The following VWF variants were observed in gnomAD, a reference collection of about 807,000 sequenced individuals.
VWF encodes the protein Factor VIII related antigen.
VWF carries 176 observed loss-of-function variants against 308.6 expected under a neutral mutation model. The ratio of observed to expected loss-of-function variants is 0.57; its 90% CI spans 0.50 to 0.65. VWF has a LOEUF of 0.65. Ranked by LOEUF, VWF falls within the 30% of genes least tolerant of loss-of-function variation. The pLI is 0.00. For missense variants in VWF, 3,146 were observed against 3,648.2 expected, an observed-to-expected ratio of 0.86 and a Z score of 3.55; for synonymous variants, 1,385 against 1,443.4, an observed-to-expected ratio of 0.96 and a Z score of 0.92.
chr12:6,062,385 G>T (rs1020960279), intron 13 of VWF, among the ~76,000 whole-genome samples: 6 of 152,106 alleles, frequency 3.9e-5, no homozygotes, highest in Non-Finnish European at 7.4e-5. Flanking sequence ...TTATAAAATG[G>T]CAGTAATATT....
intron 21 of VWF, among the ~76,000 whole-genome samples, chr12:6,030,620 G>A (rs893747673): frequency 3.9e-5 from 6 of 152,296 alleles, no homozygotes; most frequent in Admixed American, 3.9e-4. Context: ...TCAGCATGGA[G>A]TTCTAGGAGC....
At chr12:6,079,341 T>C (rs2136479048) in intron 6 of VWF, among the ~76,000 whole-genome samples, 1 of 152,254 alleles carries the variant, frequency 6.6e-6, no homozygotes, top group African/African-American at 2.4e-5. Flanking sequence ...GCGCGGTGGC[T>C]CACACCTGTA....
chr12:6,019,744 CT>C lies in VWF; in HGVS notation c.3675-2del. ...GGTGAGGTTGACAACATCACAGTGG[CT>C]GCAGAAAAGAGCGAAGAAATTAAAA... On this transcript the variant is annotated splice_acceptor_variant, in intron 27 of 51. Coordinates refer to ENST00000261405, the MANE Select transcript of VWF (RefSeq NM_000552.5). LOFTEE classifies it high-confidence loss of function. The surrounding 1 kb of genome is among the most constrained non-coding windows in gnomAD (Gnocchi z 5.8). The C allele has an allele frequency of 6.2e-7, 1 of 1,611,436 alleles. No individual in the cohort carries two copies. The highest frequency in any genetic ancestry group is 8.5e-7 in the Non-Finnish European group (1 of 1,178,858).
At chr12:6,061,076 C>G (rs1034509330) in intron 13 of VWF, among the ~76,000 whole-genome samples, 2 of 152,136 alleles carry the variant, frequency 1.3e-5, no homozygotes, top group African/African-American at 4.8e-5. Flanking sequence ...TGGTGGGCAC[C>G]TGTAATCTCA....
chr12:5,994,461 C>A lies in VWF; in HGVS notation c.6210G>T (p.Leu2070=). 6.2e-7 allele frequency: 1 copy of A among 1,614,176 alleles called. No homozygotes were observed. Among genetic ancestry groups the A allele is most frequent in the Non-Finnish European group, 8.5e-7 (1 of 1,180,022 alleles). ...AAGCAAAAGTCTTGGGGCTGAGCTGCAGTTGGAACTCATTGTTTTGTGGAG... is the reference window on the plus strand; with the variant it reads ...AAGCAAAAGTCTTGGGGCTGAGCTGAAGTTGGAACTCATTGTTTTGTGGAG... ...TFTPQNNEFQ[L]QLSPKTFASK... is the part of the protein sequence containing the mutation. Residue 2070 remains leucine, a synonymous_variant, in exon 36 of 52, where the codon CTG becomes CTT. Transcript: ENST00000261405.
intron 5 of VWF, among the ~76,000 whole-genome samples, chr12:6,105,477 C>A (rs1324530355): frequency 6.6e-6 from 1 of 152,172 alleles, no homozygotes; most frequent in East Asian, 1.9e-4. Flanking sequence ...ATCCATCCAC[C>A]TCGGCCTCCT....
chr12:6,107,439 A>G (rs1945255888), intron 5 of VWF, among the ~76,000 whole-genome samples: 1 of 152,250 alleles, frequency 6.6e-6, no homozygotes, highest in Non-Finnish European at 1.5e-5. Context: ...CTTTTGAAAG[A>G]ACAATAATAA....
At chr12:6,091,929 T>C (rs571564418) in intron 6 of VWF, among the ~76,000 whole-genome samples, 8 of 152,242 alleles carry the variant, frequency 5.3e-5, no homozygotes, top group African/African-American at 1.9e-4. Flanking sequence ...TGTTTTCTCA[T>C]GGGATGAACA....
In VWF at chr12:5,994,625, A is replaced by G. The variant is rs774768186; in HGVS notation, c.6064-18T>C. Reference sequence around the variant, plus strand: ...ACCGTCACCTGCACAAAGAAGAAAGAGCTCATCCGTAGTCCTAGCAATGAG... The same window carrying G: ...ACCGTCACCTGCACAAAGAAGAAAGGGCTCATCCGTAGTCCTAGCAATGAG... On this transcript the variant is annotated intron_variant, in intron 35 of 51. Transcript: ENST00000261405. 3 of 1,613,276 alleles carry G rather than the reference A, an allele frequency of 1.9e-6. No individual in the cohort carries two copies. Among genetic ancestry groups the G allele is most frequent in the Non-Finnish European group, 2.5e-6 (3 of 1,179,274 alleles).
intron 14 of VWF, 141 bp downstream of exon 14, chr12:6,057,708 C>A: frequency 4.0e-6 from 4 of 988,900 alleles, no homozygotes; most frequent in Non-Finnish European, 5.7e-6. Context: ...CAAGTGCTGA[C>A]GGTAAAAACA....
chr12:6,042,221 C>T (rs752561116), intron 18 of VWF, among the ~76,000 whole-genome samples: 4 of 152,098 alleles, frequency 2.6e-5, no homozygotes, highest in Non-Finnish European at 4.4e-5. Context: ...GATCTGCCCC[C>T]GGGAAAAAGC....
At chr12:6,118,544 G>C (rs1429112324) in intron 3 of VWF, among the ~76,000 whole-genome samples, 1 of 151,700 alleles carries the variant, frequency 6.6e-6, no homozygotes, top group African/African-American at 2.4e-5. Flanking sequence ...CCACCACAAC[G>C]CCTGGCTAAT....
chr12:6,057,302 G>T lies in VWF; in HGVS notation c.1730-230C>A, dbSNP rs1214395777. ...TAGACTGGGAAGGTCGAAGGACGGG[G>T]ACTATGGAATTTTTTTTTTTTTTTT... is the stretch of plus-strand genomic sequence containing the variant. On this transcript the variant is annotated intron_variant, in intron 14 of 51. Transcript: ENST00000261405. 3.0e-5 allele frequency among the ~76,000 whole-genome samples: 4 copies of T among 135,554 alleles called. No homozygotes were observed. In the East Asian group the frequency reaches 8.0e-4, roughly 27 times the overall value. The allele number at this position is 135,554 out of a possible 152,430, so 88.9% of individuals were successfully genotyped here.
In VWF at chr12:5,966,250, T is replaced by A. The variant is rs376324175; in HGVS notation, c.7887+1236A>T. On this transcript the variant is annotated intron_variant, in intron 47 of 51. Transcript: ENST00000261405. ...GTTTCGTTCCATATGGAAGCCCAGA[T>A]GTGTTCTAGGAGGGTTGTTACACAA... 3.4e-5 allele frequency among the ~76,000 whole-genome samples: 5 copies of A among 148,328 alleles called. No individual in the cohort carries two copies. In the East Asian group the frequency reaches 7.8e-4, roughly 23 times the overall value.
chr12:5,992,329 G>A (rs1311236026), intron 37 of VWF, among the ~76,000 whole-genome samples: 1 of 152,174 alleles, frequency 6.6e-6, no homozygotes, highest in Non-Finnish European at 1.5e-5. Flanking sequence ...TTAAAAGACA[G>A]CTATGCATGC....
chr12:6,043,391 C>CCCTCCAAAG (rs1346761960), intron 18 of VWF, among the ~76,000 whole-genome samples: 6 of 152,166 alleles, frequency 3.9e-5, no homozygotes, highest in Admixed American at 3.9e-4. Flanking sequence ...ACACTAAGTC[C>CCCTCCAAAG]CCTCCAAAGC....
rs115404354 is a variant in VWF, at chr12:6,104,933, C to A, written c.532+5441G>T. On this transcript the variant is annotated intron_variant, in intron 5 of 51. Coordinates refer to ENST00000261405, the MANE Select transcript of VWF (RefSeq NM_000552.5). ...GACTATTTGGCCATAAGAATGAAAT[C>A]GCATCTTTTGCAGCAACATGGGTGG... is the stretch of plus-strand genomic sequence containing the variant. Among the ~76,000 whole-genome samples the A allele has an allele frequency of 4.0e-3, 607 of 152,206 alleles. 3 individuals carry two copies. Among genetic ancestry groups the A allele is most frequent in the African/African-American group, 0.014 (576 of 41,542 alleles).
rs1430723950 is a variant in VWF at position 6,092,632 on chromosome 12, T to TGC, written c.657+2827_657+2828insGC. ...GAGTGAGTGAGAGTGTGTGTGTGTGTGTGTGTGTGTGTGTGTGTGTGTGTG... is the reference window on the plus strand; with the variant it reads ...GAGTGAGTGAGAGTGTGTGTGTGTGTGCGTGTGTGTGTGTGTGTGTGTGTGTG... On this transcript the variant is annotated intron_variant, in intron 6 of 51. Coordinates refer to ENST00000261405, the MANE Select transcript of VWF (RefSeq NM_000552.5). Among the ~76,000 whole-genome samples the TGC allele has an allele frequency of 9.1e-5, 6 of 66,080 alleles. No homozygotes were observed. In the South Asian group the frequency reaches 2.6e-3, roughly 29 times the overall value. The allele number at this position is 66,080 out of a possible 152,430, so 43.4% of individuals were successfully genotyped here. A position where few individuals can be genotyped will look rare whatever the true frequency, so the allele number is the denominator to read the frequency against.
intron 18 of VWF, among the ~76,000 whole-genome samples, chr12:6,037,512 C>T (rs1489234300): frequency 6.6e-6 from 1 of 152,190 alleles, no homozygotes; most frequent in Admixed American, 6.5e-5. Context: ...TTCCTCCGGT[C>T]TGTTGGGGCT....
Sources: gnomAD v4.1 joint callset for allele counts (sites outside exome capture counted in the v4.1 genomes callset) on GRCh38, gnomAD v4.1.1 for gene constraint, Gnocchi (gnomAD v3.1) non-coding constraint, MANE v1.5 for transcripts, NCBI Gene and HGNC (gene_info 2026-07-23, HGNC 2026-07-21) for gene names.